Variants in KIAA2012 observed in about 807,000 individuals in gnomAD.
KIAA2012 encodes the protein KIAA2012.
In KIAA2012, 125 loss-of-function variants were observed where a neutral mutation model predicts 150.6. That is an observed-to-expected ratio of 0.83 (90% CI 0.72 to 0.96). KIAA2012 has a LOEUF of 0.96. KIAA2012 is among the 40% of genes least tolerant of loss of function. KIAA2012 has a pLI of 0.00. For missense variants in KIAA2012, 1,219 were observed against 1,354.9 expected (o/e 0.90, Z 1.57); for synonymous variants, 462 against 504.7 (o/e 0.92, Z 1.13).
intron 13 of KIAA2012, among the ~76,000 whole-genome samples, chr2:202,154,312 A>G (rs1293189432): frequency 6.6e-6 from 1 of 152,260 alleles, no homozygotes; most frequent in Non-Finnish European, 1.5e-5. Flanking sequence ...TAGCTCTGCC[A>G]TATAGCAGCT....
At chr2:202,134,890 T>A (rs1259169069) in intron 12 of KIAA2012, among the ~76,000 whole-genome samples, 1 of 152,216 alleles carries the variant, frequency 6.6e-6, no homozygotes, top group African/African-American at 2.4e-5. Context: ...CAACAAACAA[T>A]GACCTGGGAA....
chr2:202,148,495 C>T lies in KIAA2012; in HGVS notation c.1909-6178C>T, dbSNP rs1691347719. Among the ~76,000 whole-genome samples the T allele has an allele frequency of 2.0e-5, 3 of 152,292 alleles. No individual in the cohort carries two copies. The South Asian group carries it at 6.2e-4, about 32-fold the overall frequency. ...TGGAGCCCTCGCAAAACGGCCCACTCAGCCCATTTCACCAGCACCAAATTC... is the reference window on the plus strand; with the variant it reads ...TGGAGCCCTCGCAAAACGGCCCACTTAGCCCATTTCACCAGCACCAAATTC... On this transcript the variant is annotated intron_variant, in intron 13 of 23. Transcript: ENST00000498697.
chr2:202,116,346 A>G (rs1002947113), intron 11 of KIAA2012: 5 of 151,996 alleles, frequency 3.3e-5, no homozygotes, highest in African/African-American at 9.7e-5. Context: ...TCTGTCGCAC[A>G]GGCTAGAGTA....
At chr2:202,140,589 C>G (rs1333386220) in intron 13 of KIAA2012, among the ~76,000 whole-genome samples, 1 of 152,194 alleles carries the variant, frequency 6.6e-6, no homozygotes, top group Non-Finnish European at 1.5e-5. Context: ...TCCTGCACCC[C>G]CGCTTACTTC....
chr2:202,154,548 GC>G, intron 13 of KIAA2012, 124 bp from the exon 14 acceptor site: 4 of 818,418 alleles, frequency 4.9e-6, no homozygotes, highest in Non-Finnish European at 7.5e-6. Context: ...AACAATAGTT[GC>G]TGCGTATTAT....
intron 13 of KIAA2012, among the ~76,000 whole-genome samples, chr2:202,141,835 G>A (rs779972680): frequency 3.3e-5 from 5 of 152,124 alleles, no homozygotes; most frequent in South Asian, 2.1e-4. Context: ...TGTAGAGGCC[G>A]CAGGTTGGGT....
chr2:202,115,361 C>A (rs1559209718), intron 11 of KIAA2012: 1 of 152,190 alleles, frequency 6.6e-6, no homozygotes, highest in Non-Finnish European at 1.5e-5. Context: ...TTCCAGCCCA[C>A]CCCTTGTTCA....
At position 202,192,217 on chromosome 2, in the gene KIAA2012, C is replaced by CT. The variant is rs1559234088; in HGVS notation, c.2812-1083dup. Among the ~76,000 whole-genome samples, 10 of 152,300 alleles carry CT rather than the reference C, an allele frequency of 6.6e-5. No homozygotes were observed. The South Asian group carries it at 2.1e-3, about 32-fold the overall frequency. On this transcript the variant is annotated intron_variant, in intron 19 of 23. Transcript: ENST00000498697. ...TAATACTATGCTGCCTCTGCAAAGA[C>CT]TAAAAAGCAAGGAGCTTTTTCTCTG...
intron 12 of KIAA2012, among the ~76,000 whole-genome samples, chr2:202,135,120 A>G (rs1691033740): frequency 6.6e-6 from 1 of 152,188 alleles, no homozygotes; most frequent in Admixed American, 6.5e-5. Flanking sequence ...TCCTCACTAA[A>G]AGCCTGTGGT....
intron 15 of KIAA2012, among the ~76,000 whole-genome samples, chr2:202,181,402 C>G (rs1692118811): frequency 6.6e-6 from 1 of 152,016 alleles, no homozygotes; most frequent in Admixed American, 6.6e-5. Flanking sequence ...ATGACAAGAC[C>G]CTGTCTCTAC....
intron 14 of KIAA2012, among the ~76,000 whole-genome samples, chr2:202,164,169 A>T (rs1691711791): frequency 6.6e-6 from 1 of 151,766 alleles, no homozygotes; most frequent in African/African-American, 2.4e-5. Flanking sequence ...TTGAGCAGGG[A>T]TCCAGGTGAC....
At chr2:202,192,170 T>G (rs2105748458) in intron 19 of KIAA2012, among the ~76,000 whole-genome samples, 1 of 152,300 alleles carries the variant, frequency 6.6e-6, no homozygotes, top group South Asian at 2.1e-4. Flanking sequence ...CATCAGCATT[T>G]CTTAGATTTA....
chr2:202,162,997 A>G (rs1574300172), intron 14 of KIAA2012, among the ~76,000 whole-genome samples: 1 of 152,114 alleles, frequency 6.6e-6, no homozygotes, highest in East Asian at 1.9e-4. Context: ...TGTATAAGCT[A>G]ATAATAATTT....
Position 202,104,398 on chromosome 2 carries a change from T to C in KIAA2012, c.1324+1284T>C, listed in dbSNP as rs1403665169. On this transcript the variant is annotated intron_variant, in intron 8 of 23. Transcript: ENST00000498697. This position sits in a 1 kb window ranked among gnomAD's most constrained non-coding sequence, Gnocchi z 4.3. ...GACAGTTGGCACTGAAAAGATAGTT[T>C]GTTACTCACAGTTCCAAGAGGAGGA... Among the ~76,000 whole-genome samples the C allele has an allele frequency of 6.6e-6, 1 of 152,196 alleles. No homozygotes were observed. The highest frequency in any genetic ancestry group is 1.5e-5 in the Non-Finnish European group (1 of 68,042).
rs780457365 is a variant in KIAA2012, at chr2:202,102,987, A to T, written c.1197A>T (p.Pro399=). Residue 399 remains proline (P), a synonymous_variant, in exon 8 of 24, where the codon CCA becomes CCT. Transcript: ENST00000498697. ...AATTACCTCCTATCTCAGAAGAACC[A>T]CCCAGAGTCTTGGAGCCCCTGAAGA... The part of the protein sequence containing the change: ...ALKLPPISEE[P]PRVLEPLKSQ... The T allele has an allele frequency of 5.2e-6, 8 of 1,550,410 alleles. No individual in the cohort carries two copies. The South Asian group carries it at 9.5e-5, about 18-fold the overall frequency.
Position 202,198,174 on chromosome 2 carries a change from CAAAAAA to C in KIAA2012, c.3407+1173_3407+1178del, listed in dbSNP as rs1009971980. The stretch of plus-strand genomic sequence containing the variant: ...GGGCGACAAGAGCAAGGCTCTTTCT[CAAAAAA>C]AAAAAAAAAAAAAAAAAGGATTTGA... On this transcript the variant is annotated intron_variant, in intron 22 of 23. Coordinates refer to ENST00000498697, the MANE Select transcript of KIAA2012 (RefSeq NM_001277372.4). 2.7e-4 allele frequency among the ~76,000 whole-genome samples: 18 copies of C among 67,110 alleles called. No individual in the cohort carries two copies. The South Asian group carries it at 4.0e-3, about 15-fold the overall frequency. The allele number at this position is 67,110 out of a possible 152,430, so 44.0% of individuals were successfully genotyped here.
intron 22 of KIAA2012, chr2:202,201,508 G>C (rs923291513): frequency 6.2e-7 from 1 of 1,607,208 alleles, no homozygotes; most frequent in African/African-American, 1.3e-5. Context: ...GGAGGTGGAG[G>C]AAGAATGTTG....
In KIAA2012 at chr2:202,105,822, T is replaced by C; in HGVS notation, c.1386T>C (p.Pro462=). The C allele has an allele frequency of 6.4e-7, 1 of 1,550,634 alleles. No individual in the cohort carries two copies. The highest frequency in any genetic ancestry group is 1.4e-5 in the African/African-American group (1 of 73,134). ...AAGAATCCACACCTGTGTGGAGACCTCCCCTGAAGCATGCGTCCTTAGAAA... is the reference window on the plus strand; with the variant it reads ...AAGAATCCACACCTGTGTGGAGACCCCCCCTGAAGCATGCGTCCTTAGAAA... ...SSEESTPVWR[P]PLKHASLETP... The change falls in exon 9 of 24, where the codon CCT becomes CCC. Residue 462 remains proline (P), a synonymous_variant. Transcript: ENST00000498697.
At chr2:202,188,343 A>G in intron 18 of KIAA2012, 77 bp downstream of exon 18, 3 of 1,164,544 alleles carry the variant, frequency 2.6e-6, no homozygotes, top group Middle Eastern at 2.0e-4. Flanking sequence ...GATAATTAGC[A>G]TGGATCCTAC....
Sources: allele counts gnomAD v4.1 joint callset (sites outside exome capture counted in the v4.1 genomes callset), GRCh38; gene constraint gnomAD v4.1.1; non-coding constraint Gnocchi (gnomAD v3.1); transcripts MANE v1.5; gene names NCBI Gene and HGNC (gene_info 2026-07-23, HGNC 2026-07-21).